The following CLCN4 variants were observed in gnomAD, a reference collection of about 807,000 sequenced individuals.
CLCN4 encodes the protein H(+)/Cl(-) exchange transporter 4.
A neutral mutation model predicts 41.7 loss-of-function variants in CLCN4; 1 was observed. The observed-to-expected ratio is 0.02, with a 90% CI of 0.01 to 0.11. The LOEUF (loss-of-function observed/expected upper bound fraction) is 0.11. CLCN4 is among the 10% of genes least tolerant of loss of function. The pLI, the probability that CLCN4 is intolerant of heterozygous loss-of-function variation, is 1.00. For synonymous variants in CLCN4, 277 were observed against 285.8 expected, an observed-to-expected ratio of 0.97 and a Z score of 0.31; for missense variants, 287 against 661.0, an observed-to-expected ratio of 0.43 and a Z score of 6.20.
chrX:10,216,577 T>C (rs866100073), intron 11 of CLCN4, among the ~76,000 whole-genome samples: 5 of 110,141 alleles, frequency 4.5e-5, no homozygotes, highest in Admixed American at 9.7e-5. Context: ...CAGGGAAGAG[T>C]TAAGGAAACT....
In CLCN4 at chrX:10,179,178, C is replaced by T. The variant is rs184395976; in HGVS notation, c.-11-5844C>T. On this transcript the variant is annotated intron_variant, in intron 2 of 12. Transcript: ENST00000380833. Reference sequence around the variant, plus strand: ...GTAAAGTCCCAGCCCTAAACATTATCTGTGGCAGAGACAAACAGTTTTAAT... The same window carrying T: ...GTAAAGTCCCAGCCCTAAACATTATTTGTGGCAGAGACAAACAGTTTTAAT... Among the ~76,000 whole-genome samples, 4 of 112,427 alleles carry T rather than the reference C, an allele frequency of 3.6e-5. No homozygotes were observed. In the Admixed American group the frequency reaches 3.8e-4, roughly 11 times the overall value.
intron 11 of CLCN4, among the ~76,000 whole-genome samples, chrX:10,219,128 A>C (rs1222257476): frequency 8.9e-6 from 1 of 112,526 alleles, no homozygotes; most frequent in African/African-American, 3.2e-5. Flanking sequence ...AAGGAGATAT[A>C]AGCATGTTAT....
chrX:10,200,412 C>G (rs144753256), intron 6 of CLCN4, among the ~76,000 whole-genome samples: 1 of 112,385 alleles, frequency 8.9e-6, no homozygotes, highest in Non-Finnish European at 1.9e-5. Flanking sequence ...TCCCACTGCC[C>G]AACAGTAGGC....
At chrX:10,214,368 A>G (rs1924651755) in intron 11 of CLCN4, among the ~76,000 whole-genome samples, 1 of 112,920 alleles carries the variant, frequency 8.9e-6, no homozygotes, top group African/African-American at 3.2e-5. Flanking sequence ...TTGGGTAGAC[A>G]TTCTTGGTTG....
intron 2 of CLCN4, among the ~76,000 whole-genome samples, chrX:10,167,698 C>T (rs1281287940): frequency 8.9e-6 from 1 of 112,585 alleles, no homozygotes; most frequent in Non-Finnish European, 1.9e-5. Flanking sequence ...TGTGAGGGAG[C>T]CCCCGTCCAA....
chrX:10,199,364 G>T (rs1924177996), intron 6 of CLCN4, among the ~76,000 whole-genome samples: 1 of 112,582 alleles, frequency 8.9e-6, no homozygotes, highest in South Asian at 3.6e-4. Context: ...ACATTAAGTG[G>T]CTAAGAAATA....
chrX:10,217,296 A>G (rs1169371853), intron 11 of CLCN4, among the ~76,000 whole-genome samples: 1 of 110,311 alleles, frequency 9.1e-6, no homozygotes, highest in African/African-American at 3.3e-5. Flanking sequence ...ATGATAGACT[A>G]TTACTTCCCT....
rs483352716 is a variant in CLCN4 at position 10,220,868 on chromosome X, C to T, written c.2183C>T (p.Thr728Met). ...CTGGGGCTTCGGCAGTGCCTGGTGA[C>T]GCGGAGCGGGTGAGTAGCCGGACAT... Reference protein sequence around the residue: ...RKLGLRQCLVTRSGRLLGIIT... With the variant: ...RKLGLRQCLVMRSGRLLGIIT... The change falls in exon 12 of 13, where the codon ACG becomes ATG. Residue 728 changes from threonine to methionine, a missense_variant. Transcript: ENST00000380833. The T allele has an allele frequency of 7.5e-6, 9 of 1,206,148 alleles. No homozygotes were observed. Among genetic ancestry groups the T allele is most frequent in the Non-Finnish European group, 9.0e-6 (8 of 891,658 alleles).
At chrX:10,228,372 G>C (rs1226659041) in intron 12 of CLCN4, among the ~76,000 whole-genome samples, 1 of 110,143 alleles carries the variant, frequency 9.1e-6, no homozygotes, top group African/African-American at 3.3e-5. Context: ...GGCACAATCA[G>C]CTGCCAGGTA....
chrX:10,161,932 C>T (rs1350022789), intron 2 of CLCN4, among the ~76,000 whole-genome samples: 1 of 109,455 alleles, frequency 9.1e-6, no homozygotes, highest in Non-Finnish European at 1.9e-5. Context: ...TCCATTCCAA[C>T]AGCCTGAGAA....
Position 10,219,906 on chromosome X carries a change from G to A in CLCN4, c.1976-755G>A, listed in dbSNP as rs187545236. Among the ~76,000 whole-genome samples, 127 of 112,317 alleles carry A rather than the reference G, an allele frequency of 1.1e-3. 1 individual carries two copies. The highest frequency in any genetic ancestry group is 4.0e-3 in the African/African-American group (125 of 30,950). Reference sequence around the variant, plus strand: ...AAATAGCCTGGGTTTCTAGCACCGCGTTAAGCTGTATTTCTAATGAGTTCC... The same window carrying A: ...AAATAGCCTGGGTTTCTAGCACCGCATTAAGCTGTATTTCTAATGAGTTCC... On this transcript the variant is annotated intron_variant, in intron 11 of 12. Coordinates refer to ENST00000380833, the MANE Select transcript of CLCN4 (RefSeq NM_001830.4).
intron 12 of CLCN4, 126 bp downstream of exon 12, chrX:10,221,003 T>A: frequency 1.8e-6 from 1 of 563,453 alleles, no homozygotes; most frequent in Non-Finnish European, 3.0e-6. Flanking sequence ...GGCAGTAAGC[T>A]GTGGTGAATG....
At chrX:10,199,687 C>A (rs1362662592) in intron 6 of CLCN4, among the ~76,000 whole-genome samples, 1 of 112,537 alleles carries the variant, frequency 8.9e-6, no homozygotes, top group Non-Finnish European at 1.9e-5. Flanking sequence ...TGCTCAAATT[C>A]CTCCCTAACA....
chrX:10,181,185 C>T (rs1415136434), intron 2 of CLCN4, among the ~76,000 whole-genome samples: 3 of 109,922 alleles, frequency 2.7e-5, no homozygotes, highest in Non-Finnish European at 3.8e-5. Flanking sequence ...TAGTGAGACC[C>T]CATCTCTACA....
At chrX:10,175,055 G>A (rs1923482572) in intron 2 of CLCN4, among the ~76,000 whole-genome samples, 1 of 112,044 alleles carries the variant, frequency 8.9e-6, no homozygotes, top group African/African-American at 3.2e-5. Flanking sequence ...CATACTTTGG[G>A]AAGTGCTTGA....
chrX:10,157,655 A>T (rs748036615), intron 1 of CLCN4, among the ~76,000 whole-genome samples: 28 of 113,020 alleles, frequency 2.5e-4, no homozygotes, highest in African/African-American at 6.7e-4. Flanking sequence ...TCAGTTGTGA[A>T]TGAGAAATGT....
At chrX:10,164,858 C>T (rs772851694) in intron 2 of CLCN4, among the ~76,000 whole-genome samples, 1 of 112,585 alleles carries the variant, frequency 8.9e-6, no homozygotes, top group Non-Finnish European at 1.9e-5. Flanking sequence ...CTCTTTCCCG[C>T]TTCTTGTCGT....
At position 10,213,719 on chromosome X, in the gene CLCN4, A is replaced by G; in HGVS notation, c.1615A>G (p.Met539Val). 1.7e-6 allele frequency: 2 copies of G among 1,210,324 alleles called. No individual in the cohort carries two copies. Among genetic ancestry groups the G allele is most frequent in the Non-Finnish European group, 2.2e-6 (2 of 894,308 alleles). ...GATGACGGTGTCATTGGTGGTCATC[A>G]TGTTTGAATTAACCGGGGGTCTGGA... ...TRMTVSLVVI[M>V]FELTGGLEYI... Residue 539 changes from methionine (M) to valine (V), a missense_variant, in exon 11 of 13, where the codon ATG becomes GTG. Coordinates refer to ENST00000380833, the MANE Select transcript of CLCN4 (RefSeq NM_001830.4).
At chrX:10,208,725 T>A in intron 9 of CLCN4, 135 bp downstream of exon 9, 1 of 495,699 alleles carries the variant, frequency 2.0e-6, no homozygotes, top group Non-Finnish European at 3.3e-6. Context: ...GCCAGGCACT[T>A]GACATTCCTT....
Sources: allele counts gnomAD v4.1 joint callset (sites outside exome capture counted in the v4.1 genomes callset), GRCh38; gene constraint gnomAD v4.1.1; transcripts MANE v1.5; gene names NCBI Gene and HGNC (gene_info 2026-07-23, HGNC 2026-07-21).